Variants in GLI3 observed in about 807,000 individuals in gnomAD.
The protein encoded by GLI3 is GLI family zinc finger 3.
Under a neutral mutation model 100.8 loss-of-function variants are expected in GLI3, and 20 were observed. The ratio of observed to expected loss-of-function variants is 0.20; its 90% CI spans 0.14 to 0.29. The LOEUF is 0.29. Ranked by LOEUF, GLI3 falls within the 10% of genes least tolerant of loss-of-function variation. The pLI is 1.00. For synonymous variants in GLI3, 938 were observed against 860.5 expected (o/e 1.09, Z -1.58); for missense variants, 2,040 against 2,128.5 (o/e 0.96, Z 0.82).
intron 10 of GLI3, among the ~76,000 whole-genome samples, chr7:42,017,018 G>T (rs1287387231): frequency 1.3e-5 from 2 of 152,228 alleles, no homozygotes; most frequent in Non-Finnish European, 2.9e-5. Flanking sequence ...CACATGGGCT[G>T]TCCCCAGCCC....
Position 42,249,981 on chromosome 7 carries a change from G to A in GLI3, c.-43+14013C>T, listed in dbSNP as rs769449294. ...ATGGTGTTGCATACCTGTAGTCCCA[G>A]CTACTCTGGAGCCTGAGGTGGGAGG... On this transcript the variant is annotated intron_variant, in intron 1 of 2. Coordinates refer to the GLI3 transcript ENST00000678978. Among the ~76,000 whole-genome samples, 3 of 152,098 alleles carry A rather than the reference G, an allele frequency of 2.0e-5. No homozygotes were observed. The South Asian group carries it at 6.2e-4, about 32-fold the overall frequency.
chr7:41,999,786 T>C (rs1788234680), intron 10 of GLI3, among the ~76,000 whole-genome samples: 2 of 152,180 alleles, frequency 1.3e-5, no homozygotes. Flanking sequence ...CAAAATGCCA[T>C]CAAAGTTTCT....
At chr7:42,096,072 A>G (rs1001112297) in intron 3 of GLI3, among the ~76,000 whole-genome samples, 3 of 152,150 alleles carry the variant, frequency 2.0e-5, no homozygotes, top group Non-Finnish European at 4.4e-5. Flanking sequence ...GGGTGTGTGC[A>G]CTGCAGGGAG....
rs1227110799 is a variant in GLI3, at chr7:42,201,848, C to A, written c.124+21282G>T. ...CCTGTAATCCTAGCACTTTGGGAAG[C>A]CGAGGCGGGCAGATCACAAGGTCAG... On this transcript the variant is annotated intron_variant, in intron 2 of 14. Transcript: ENST00000395925. Among the ~76,000 whole-genome samples the A allele has an allele frequency of 3.3e-5, 5 of 152,126 alleles. No individual in the cohort carries two copies. The East Asian group carries it at 9.6e-4, about 29-fold the overall frequency.
intron 1 of GLI3, among the ~76,000 whole-genome samples, chr7:42,233,235 G>A (rs1474837756): frequency 6.6e-6 from 1 of 152,186 alleles, no homozygotes; most frequent in Non-Finnish European, 1.5e-5. Flanking sequence ...ACTTACTCCA[G>A]ACAGCATTGC....
At chr7:42,200,918 TG>T (rs1277699456) in intron 2 of GLI3, among the ~76,000 whole-genome samples, 8 of 152,210 alleles carry the variant, frequency 5.3e-5, no homozygotes, top group Admixed American at 1.3e-4. Flanking sequence ...TGCTGCCTAG[TG>T]GACACACTCT....
At chr7:41,986,788 G>A (rs1199220307) in intron 10 of GLI3, among the ~76,000 whole-genome samples, 2 of 151,696 alleles carry the variant, frequency 1.3e-5, no homozygotes. Context: ...ACGAATTGCT[G>A]TATACTTTAA....
chr7:42,104,051 C>T (rs74733476), intron 3 of GLI3, among the ~76,000 whole-genome samples: 251 of 152,220 alleles, frequency 1.6e-3, no homozygotes, highest in Middle Eastern at 3.4e-3. Context: ...TCTCTGAGGA[C>T]GATGTGCTTT....
chr7:42,210,910 A>T (rs1428215506), intron 2 of GLI3, among the ~76,000 whole-genome samples: 1 of 152,216 alleles, frequency 6.6e-6, no homozygotes, highest in Non-Finnish European at 1.5e-5. Context: ...ACAAGCAACA[A>T]GAGAAATTTT....
At chr7:42,187,110 T>C (rs1419403002) in intron 2 of GLI3, among the ~76,000 whole-genome samples, 4 of 150,518 alleles carry the variant, frequency 2.7e-5, no homozygotes, top group South Asian at 4.2e-4. Flanking sequence ...ACTTGGGAGG[T>C]TGAGGTGGAA....
intron 3 of GLI3, among the ~76,000 whole-genome samples, chr7:42,120,993 C>T (rs763480919): frequency 6.6e-6 from 1 of 152,168 alleles, no homozygotes; most frequent in Non-Finnish European, 1.5e-5. Flanking sequence ...AAACAAACCA[C>T]CACCAAAAAG....
intron 7 of GLI3, among the ~76,000 whole-genome samples, chr7:42,032,408 C>G (rs564886779): frequency 8.5e-5 from 13 of 152,174 alleles, no homozygotes; most frequent in Non-Finnish European, 1.5e-5. Flanking sequence ...ATCCATTCTG[C>G]TAATACAATT....
At chr7:42,179,248 C>T (rs559467086) in intron 2 of GLI3, among the ~76,000 whole-genome samples, 2 of 152,252 alleles carry the variant, frequency 1.3e-5, no homozygotes, top group South Asian at 2.1e-4. Flanking sequence ...TGTGAGGCAA[C>T]CCCAGCCATG....
At chr7:42,151,444 G>A (rs533817506) in intron 2 of GLI3, 7 of 152,158 alleles carry the variant, frequency 4.6e-5, no homozygotes, top group African/African-American at 9.7e-5. Flanking sequence ...CAGTTGAGCC[G>A]AGTTGTTCAA....
At chr7:41,968,789 AAAG>A in intron 13 of GLI3, among the ~76,000 whole-genome samples, 1 of 150,524 alleles carries the variant, frequency 6.6e-6, no homozygotes, top group Non-Finnish European at 1.5e-5. Flanking sequence ...AGAAAGAAAG[AAAG>A]AAAGAAAGAA....
intron 7 of GLI3, among the ~76,000 whole-genome samples, chr7:42,030,708 T>TG (rs919977653): frequency 3.3e-5 from 5 of 151,668 alleles, no homozygotes; most frequent in African/African-American, 7.3e-5. Context: ...TTTTTTTTTT[T>TG]TTGTTTTTTT....
chr7:42,085,988 A>T (rs1785094701), intron 3 of GLI3, among the ~76,000 whole-genome samples: 1 of 152,230 alleles, frequency 6.6e-6, no homozygotes, highest in Non-Finnish European at 1.5e-5. Context: ...CCAGGCAAGA[A>T]GCTCTGAAGG....
At chr7:42,203,453 TC>T (rs1000749401) in intron 2 of GLI3, among the ~76,000 whole-genome samples, 2 of 152,166 alleles carry the variant, frequency 1.3e-5, no homozygotes, top group African/African-American at 4.8e-5. Flanking sequence ...CAATTTTACC[TC>T]CCACATATGA....
intron 3 of GLI3, among the ~76,000 whole-genome samples, chr7:42,095,119 T>C (rs1415871138): frequency 2.0e-5 from 3 of 152,224 alleles, no homozygotes; most frequent in East Asian, 1.9e-4. Context: ...AGCAGCTCAG[T>C]GTTGCTTTCC....
Sources: gnomAD v4.1 joint callset for allele counts (sites outside exome capture counted in the v4.1 genomes callset) on GRCh38, gnomAD v4.1.1 for gene constraint, MANE v1.5 for transcripts, NCBI Gene and HGNC (gene_info 2026-07-23, HGNC 2026-07-21) for gene names.